PMPCB: variants seen among roughly 807,000 people sequenced by gnomAD.
PMPCB encodes peptidase, mitochondrial processing subunit beta.
PMPCB carries 46 observed loss-of-function variants against 61.5 expected under a neutral mutation model. That is an observed-to-expected ratio of 0.75 (90% CI 0.59 to 0.96). PMPCB has a LOEUF of 0.96. Ranked by LOEUF, PMPCB falls within the 40% of genes least tolerant of loss-of-function variation. The pLI is 0.00. For synonymous variants in PMPCB, 191 were observed against 201.6 expected (o/e 0.95, Z 0.44); for missense variants, 590 against 602.4 (o/e 0.98, Z 0.22).
At chr7:103,303,357 A>G (rs529940767) in intron 4 of PMPCB, among the ~76,000 whole-genome samples, 22 of 152,332 alleles carry the variant, frequency 1.4e-4, no homozygotes, top group African/African-American at 5.3e-4. Context: ...GCTGAAGCCC[A>G]TATTAGCCTC....
At chr7:103,342,308 C>CTT in the PMPCB span, among the ~76,000 whole-genome samples, 8 of 143,094 alleles carry the variant, frequency 5.6e-5, no homozygotes, top group Non-Finnish European at 9.2e-5. Context: ...TATTTTTTTA[C>CTT]TTTTTTTTTT....
downstream of PMPCB, among the ~76,000 whole-genome samples, chr7:103,318,733 C>T (rs1395580590): frequency 6.6e-6 from 1 of 152,134 alleles, no homozygotes. Context: ...CTAGACAGAA[C>T]AAAGATCTCT....
downstream of PMPCB, among the ~76,000 whole-genome samples, chr7:103,333,109 C>G (rs972891077): frequency 6.6e-6 from 1 of 151,028 alleles, no homozygotes; most frequent in Non-Finnish European, 1.5e-5. Context: ...CATGCTGGCA[C>G]TCAGAATTTG....
At chr7:103,300,977 C>T (rs1357658752) in intron 4 of PMPCB, among the ~76,000 whole-genome samples, 2 of 152,250 alleles carry the variant, frequency 1.3e-5, no homozygotes, top group Non-Finnish European at 1.5e-5. Flanking sequence ...AGCCACTGTG[C>T]ACGGCCATTA....
At chr7:103,322,921 C>T in intron 12 of PMPCB, 2 of 760,308 alleles carry the variant, frequency 2.6e-6, no homozygotes, top group Non-Finnish European at 2.1e-6. Flanking sequence ...TCATTACTAA[C>T]ATTAAACAAT....
downstream of PMPCB, among the ~76,000 whole-genome samples, chr7:103,317,561 C>T (rs886759098): frequency 4.6e-5 from 7 of 152,192 alleles, no homozygotes; most frequent in Non-Finnish European, 8.8e-5. Context: ...TTCTCCCCTT[C>T]AATCCCTTAG....
intron 2 of PMPCB, 121 bp downstream of exon 2, chr7:103,298,829 G>C (rs1024425204): frequency 4.4e-6 from 4 of 907,910 alleles, no homozygotes; most frequent in Non-Finnish European, 6.6e-6. Context: ...ATTTTGCCTT[G>C]ACAGATTTCC....
chr7:103,347,466 C>G, the PMPCB span: 7 of 418,586 alleles, frequency 1.7e-5, no homozygotes, highest in African/African-American at 9.9e-5. Flanking sequence ...GTGGCCACTA[C>G]TTATTGTGTC....
intron 4 of PMPCB, 103 bp from the exon 5 acceptor site, chr7:103,303,739 T>G (rs1817507875): frequency 1.4e-6 from 1 of 715,518 alleles, no homozygotes; most frequent in Non-Finnish European, 2.3e-6. Context: ...CATTTAGTAT[T>G]GAGTGATGGG....
At chr7:103,319,702 G>T (rs1421748324) in intron 12 of PMPCB, 7 of 1,613,710 alleles carry the variant, frequency 4.3e-6, no homozygotes, top group Non-Finnish European at 5.9e-6. Flanking sequence ...AAGAAGAAAT[G>T]AAACTTTATC....
rs187629498 is a variant in PMPCB at position 103,309,371 on chromosome 7, G to C, written c.993+276G>C. The C allele has an allele frequency of 4.3e-5, 10 of 232,372 alleles. No homozygotes were observed. In the East Asian group the frequency reaches 9.2e-4, roughly 21 times the overall value. The allele number at this position is 232,372 out of a possible 1,614,324, so 14.4% of individuals were successfully genotyped here. Reference sequence around the variant, plus strand: ...GTTAATATCCTAATTTTAATAGTCAGTAGGCCCTCTATATCTGTGGGTTCC... The same window carrying C: ...GTTAATATCCTAATTTTAATAGTCACTAGGCCCTCTATATCTGTGGGTTCC... On this transcript the variant is annotated intron_variant, in intron 8 of 12. Coordinates refer to ENST00000249269, the MANE Select transcript of PMPCB (RefSeq NM_004279.3).
chr7:103,333,475 T>G (rs987800688), downstream of PMPCB, among the ~76,000 whole-genome samples: 9 of 152,220 alleles, frequency 5.9e-5, no homozygotes, highest in Non-Finnish European at 1.3e-4. Context: ...GTATTTTTGG[T>G]TTGTTTAATC....
chr7:103,319,079 GCA>G (rs1358324702), downstream of PMPCB, among the ~76,000 whole-genome samples: 1 of 152,060 alleles, frequency 6.6e-6, no homozygotes, highest in African/African-American at 2.4e-5. Flanking sequence ...GGGCATGGTG[GCA>G]CACACCTGTA....
At chr7:103,340,587 G>A in the PMPCB span, among the ~76,000 whole-genome samples, 1 of 152,156 alleles carries the variant, frequency 6.6e-6, no homozygotes, top group South Asian at 2.1e-4. Flanking sequence ...CAAGGGAAAT[G>A]AGGTACACAC....
intron 12 of PMPCB, among the ~76,000 whole-genome samples, chr7:103,324,975 A>G (rs531979311): frequency 1.3e-5 from 2 of 152,302 alleles, no homozygotes; most frequent in East Asian, 3.9e-4. Flanking sequence ...AGAGGGAACT[A>G]ATTTCCACCT....
chr7:103,310,666 A>C, intron 9 of PMPCB, 191 bp downstream of exon 9: 1 of 327,474 alleles, frequency 3.1e-6, no homozygotes. Context: ...GCTGATTTAT[A>C]CTATAGAATT....
At position 103,300,163 on chromosome 7, in the gene PMPCB, C is replaced by T. The variant is rs1586038454; in HGVS notation, c.328-15C>T. On this transcript the variant is annotated splice_polypyrimidine_tract_variant and intron_variant, in intron 3 of 12. Transcript: ENST00000249269. Reference sequence around the variant, plus strand: ...AGGGAGTTTGCATAATTTGTTTTTCCTCTTTTATTTCAAGGGCACCAAGAA... The same window carrying T: ...AGGGAGTTTGCATAATTTGTTTTTCTTCTTTTATTTCAAGGGCACCAAGAA... 6.2e-7 allele frequency: 1 copy of T among 1,603,090 alleles called. No individual in the cohort carries two copies. The highest frequency in any genetic ancestry group is 1.1e-5 in the South Asian group (1 of 89,066).
the PMPCB span, among the ~76,000 whole-genome samples, chr7:103,339,040 TAAAC>T: frequency 6.6e-6 from 1 of 152,190 alleles, no homozygotes; most frequent in East Asian, 1.9e-4. Flanking sequence ...ATTTAAAAAA[TAAAC>T]AAACAGAAAC....
chr7:103,345,066 T>G, the PMPCB span: 7 of 312,218 alleles, frequency 2.2e-5, no homozygotes, highest in African/African-American at 1.5e-4. Flanking sequence ...GCGCTATACT[T>G]TTAAGTAAAA....
Sources: gnomAD v4.1 joint callset for allele counts (sites outside exome capture counted in the v4.1 genomes callset) on GRCh38, gnomAD v4.1.1 for gene constraint, MANE v1.5 for transcripts, NCBI Gene and HGNC (gene_info 2026-07-23, HGNC 2026-07-21) for gene names.